The following ARL1 variants were observed in gnomAD, a reference collection of about 807,000 sequenced individuals.
ARL1 encodes ADP-ribosylation factor-like protein 1.
Under a neutral mutation model 30.1 loss-of-function variants are expected in ARL1, and 17 were observed. The ratio of observed to expected loss-of-function variants is 0.56; its 90% CI spans 0.39 to 0.85. The LOEUF is 0.85. Among genes scored for constraint, ARL1 ranks in the 40% least tolerant of loss-of-function variants. The pLI is 0.00. For synonymous variants in ARL1, 58 were observed against 71.7 expected (o/e 0.81, Z 0.97); for missense variants, 102 against 212.6 (o/e 0.48, Z 3.24).
In ARL1 at chr12:101,393,271, T is replaced by C. The variant is rs192171839; in HGVS notation, c.*2369A>G. On this transcript the variant is annotated 3_prime_UTR_variant, in exon 6 of 6. Transcript: ENST00000261636. ...TTACATTTCAACAGTTTAAAGTGCA[T>C]CTCAGGTATTTCAGATAACAGAAGT... is the stretch of plus-strand genomic sequence containing the variant. The C allele has an allele frequency of 3.1e-3, 464 of 151,912 alleles. 3 individuals carry two copies. The highest frequency in any genetic ancestry group is 0.011 in the African/African-American group (451 of 41,426). 9.4% of individuals were successfully genotyped at this position (151,912 alleles called of 1,614,324 possible).
intron 4 of ARL1, among the ~76,000 whole-genome samples, chr12:101,398,743 CTAT>C (rs1221217236): frequency 1.3e-5 from 2 of 152,104 alleles, no homozygotes; most frequent in African/African-American, 4.8e-5. Context: ...TGGCCTGTGT[CTAT>C]ATGTTTTAAC....
In ARL1 at chr12:101,402,917, A is replaced by G; in HGVS notation, c.172T>C (p.Tyr58His). Residue 58 changes from tyrosine to histidine, a missense_variant, in exon 3 of 6, where the codon TAC (tyrosine) becomes CAC (histidine). By Grantham distance (83) the Tyr-to-His change is moderately conservative. Transcript: ENST00000261636. ...CAGACTTGGAATTTAAGGTTTTTGTACGTCACCGTCTCTACATTAAATCCA... is the reference window on the plus strand; with the variant it reads ...CAGACTTGGAATTTAAGGTTTTTGTGCGTCACCGTCTCTACATTAAATCCA... ...TIGFNVETVT[Y>H]KNLKFQVWDL... The G allele has an allele frequency of 6.2e-7, 1 of 1,613,190 alleles. No individual in the cohort carries two copies. Among genetic ancestry groups the G allele is most frequent in the East Asian group, 2.2e-5 (1 of 44,798 alleles).
At position 101,402,760 on chromosome 12, in the gene ARL1, C is replaced by T. The variant is rs561294497; in HGVS notation, c.224+105G>A. On this transcript the variant is annotated intron_variant, in intron 3 of 5. Transcript: ENST00000261636. ...TTACCTCATTTTAAACTAGGTGGCT[C>T]CATTTAAATTACAATAGAACACATA... 6.0e-4 allele frequency: 381 copies of T among 640,310 alleles called. 1 individual carries two copies. The highest frequency in any genetic ancestry group is 6.1e-4 in the Middle Eastern group (2 of 3,276). The allele number at this position is 640,310 out of a possible 1,614,324, so 39.7% of individuals were successfully genotyped here.
rs1280135022 is a variant in ARL1 at position 101,396,440 on chromosome 12, C to A, written c.474G>T (p.Thr158=). The A allele has an allele frequency of 5.0e-6, 8 of 1,613,868 alleles. No individual in the cohort carries two copies. The highest frequency in any genetic ancestry group is 1.1e-5 in the South Asian group (1 of 91,094). ...LKDRKWQIFK[T]SATKGTGLDE... ...CAAGGCCGGTGCCTTTGGTTGCTGA[C>A]GTTTTGAATATCTGCCATTTTCGGT... Residue 158 remains threonine, a synonymous_variant, in exon 5 of 6, where the codon ACG becomes ACT. Transcript: ENST00000261636.
intron 1 of ARL1, 44 bp downstream of exon 1, chr12:101,407,598 C>T: frequency 6.2e-7 from 1 of 1,607,068 alleles, no homozygotes; most frequent in Non-Finnish European, 8.5e-7. Flanking sequence ...CCCTCGGCCG[C>T]GGCTCCCTCG....
chr12:101,400,660 G>A (rs75679077), intron 4 of ARL1, among the ~76,000 whole-genome samples: 4,926 of 152,186 alleles, frequency 0.032, 155 homozygotes, highest in Non-Finnish European at 0.043. Flanking sequence ...CACTGGGAAG[G>A]ATAAAAAACG....
chr12:101,401,636 CAAAAAAAAAAAAAA>C (rs758711443), intron 3 of ARL1: 7 of 31,822 alleles, frequency 2.2e-4, no homozygotes, highest in East Asian at 7.0e-4. Context: ...AACTCTGTCT[CAAAAAAAAAAAAAA>C]AAAAAAAAAA....
chr12:101,406,559 C>G (rs1871446231), intron 1 of ARL1, among the ~76,000 whole-genome samples: 2 of 152,156 alleles, frequency 1.3e-5, no homozygotes, highest in African/African-American at 4.8e-5. Flanking sequence ...TTCCTGTACA[C>G]CAAGTATTGT....
intron 2 of ARL1, among the ~76,000 whole-genome samples, chr12:101,404,083 A>C (rs1011375718): frequency 1.3e-5 from 2 of 152,254 alleles, no homozygotes; most frequent in African/African-American, 4.8e-5. Context: ...TATTACAATT[A>C]AAAAATAACA....
At position 101,401,051 on chromosome 12, in the gene ARL1, C is replaced by G. The variant is rs779890786; in HGVS notation, c.336+11G>C. ...ACTGCCCCACATTTTAAAGTGGTTACGTTTTCTTACCTCCAACATGGCAAC... is the reference window on the plus strand; with the variant it reads ...ACTGCCCCACATTTTAAAGTGGTTAGGTTTTCTTACCTCCAACATGGCAAC... On this transcript the variant is annotated intron_variant, in intron 4 of 5. Coordinates refer to ENST00000261636, the MANE Select transcript of ARL1 (RefSeq NM_001177.6). 1.3e-6 allele frequency: 2 copies of G among 1,588,244 alleles called. No individual in the cohort carries two copies. The highest frequency in any genetic ancestry group is 1.7e-6 in the Non-Finnish European group (2 of 1,156,854).
chr12:101,401,301 A>G (rs1206218179), intron 3 of ARL1, 128 bp from the exon 4 acceptor site: 1 of 625,042 alleles, frequency 1.6e-6, no homozygotes, highest in East Asian at 2.8e-5. Flanking sequence ...TCTGGTGGAT[A>G]TATGTACCAT....
At position 101,394,314 on chromosome 12, in the gene ARL1, A is replaced by G. The variant is rs1871089609; in HGVS notation, c.*1326T>C. The G allele has an allele frequency of 6.6e-6, 1 of 152,154 alleles. No individual in the cohort carries two copies. The allele number at this position is 152,154 out of a possible 1,614,324, so 9.4% of individuals were successfully genotyped here. ...ATTAAGCTCTCATTACCAGCACCTA[A>G]TTTTTTAGAGGCTGGTTTTCCAACT... On this transcript the variant is annotated 3_prime_UTR_variant, in exon 6 of 6. Coordinates refer to ENST00000261636, the MANE Select transcript of ARL1 (RefSeq NM_001177.6).
In ARL1 at chr12:101,396,367, G is replaced by C. The variant is rs199983546; in HGVS notation, c.515+32C>G. Reference sequence around the variant, plus strand: ...TGCATAGCTGCAAGCACACACAAATGCACAGATGGCTTCTGGAAGCATGAT... The same window carrying C: ...TGCATAGCTGCAAGCACACACAAATCCACAGATGGCTTCTGGAAGCATGAT... On this transcript the variant is annotated intron_variant, in intron 5 of 5. Coordinates refer to ENST00000261636, the MANE Select transcript of ARL1 (RefSeq NM_001177.6). 3.7e-5 allele frequency: 60 copies of C among 1,613,498 alleles called. 1 individual carries two copies. Among genetic ancestry groups the C allele is most frequent in the Non-Finnish European group, 4.4e-5 (52 of 1,179,416 alleles).
At chr12:101,406,246 G>T (rs1373311006) in intron 1 of ARL1, among the ~76,000 whole-genome samples, 4 of 152,148 alleles carry the variant, frequency 2.6e-5, no homozygotes, top group Non-Finnish European at 5.9e-5. Flanking sequence ...TATGGCCGCG[G>T]CCTTTGGGAA....
chr12:101,397,723 C>T (rs1200225617), intron 4 of ARL1, among the ~76,000 whole-genome samples: 8 of 151,984 alleles, frequency 5.3e-5, no homozygotes, highest in Non-Finnish European at 8.8e-5. Context: ...AGACTGGTCT[C>T]GAACTCCTGA....
At chr12:101,404,851 T>C (rs1472182433) in intron 2 of ARL1, among the ~76,000 whole-genome samples, 1 of 152,190 alleles carries the variant, frequency 6.6e-6, no homozygotes, top group African/African-American at 2.4e-5. Flanking sequence ...AGGTATTTCT[T>C]CTCTTAATAA....
chr12:101,407,754 GA>G lies in ARL1; in HGVS notation c.-110del, dbSNP rs751796816. The G allele has an allele frequency of 2.1e-4, 326 of 1,520,102 alleles. No homozygotes were observed. The highest frequency in any genetic ancestry group is 2.8e-4 in the Non-Finnish European group (313 of 1,104,024). The allele number at this position is 1,520,102 out of a possible 1,614,324, so 94.2% of individuals were successfully genotyped here. On this transcript the variant is annotated 5_prime_UTR_variant, in exon 1 of 6. Transcript: ENST00000261636. Reference sequence around the variant, plus strand: ...CAGTCAGCCAGCAACTTCCACGTCGGACTCCAGGCGGGGGCGGGAGCGAGGG... The same window carrying G: ...CAGTCAGCCAGCAACTTCCACGTCGGCTCCAGGCGGGGGCGGGAGCGAGGG...
rs1013814716 is a variant in ARL1 at position 101,393,314 on chromosome 12, A to AT, written c.*2325dup. On this transcript the variant is annotated 3_prime_UTR_variant, in exon 6 of 6. Transcript: ENST00000261636. ...ACAGAAGTAATTCTACCACTCTCAA[A>AT]TTTTTTTTTTTAATGCAAGACACAA... The AT allele has an allele frequency of 5.7e-3, 841 of 147,234 alleles. 3 individuals carry two copies. The highest frequency in any genetic ancestry group is 0.017 in the African/African-American group (679 of 40,516). 9.1% of individuals were successfully genotyped at this position (147,234 alleles called of 1,614,324 possible). A position where few individuals can be genotyped will look rare whatever the true frequency, so the allele number is the denominator to read the frequency against.
At chr12:101,399,509 TAAAAA>T (rs200979843) in intron 4 of ARL1, among the ~76,000 whole-genome samples, 1 of 110,544 alleles carries the variant, frequency 9.0e-6, no homozygotes, top group African/African-American at 4.5e-5. Flanking sequence ...AGACTCTGTC[TAAAAA>T]AAAAAAAAAA....
Sources: allele counts gnomAD v4.1 joint callset (sites outside exome capture counted in the v4.1 genomes callset), GRCh38; gene constraint gnomAD v4.1.1; transcripts MANE v1.5; gene names NCBI Gene and HGNC (gene_info 2026-07-23, HGNC 2026-07-21).